The following DPYSL5 variants were observed in gnomAD, a reference collection of about 807,000 sequenced individuals.
DPYSL5 encodes the protein dihydropyrimidinase-related protein 5.
DPYSL5 carries 9 observed loss-of-function variants against 58.4 expected under a neutral mutation model. The observed-to-expected ratio is 0.15, with a 90% CI of 0.09 to 0.27. DPYSL5 has a LOEUF of 0.27. DPYSL5 is among the 10% of genes least tolerant of loss of function. The pLI is 1.00. For synonymous variants in DPYSL5, 293 were observed against 301.9 expected, an observed-to-expected ratio of 0.97 and a Z score of 0.31; for missense variants, 499 against 770.6, an observed-to-expected ratio of 0.65 and a Z score of 4.17.
At chr2:26,870,861 T>A (rs1409401415) in intron 1 of DPYSL5, among the ~76,000 whole-genome samples, 3 of 152,230 alleles carry the variant, frequency 2.0e-5, no homozygotes, top group African/African-American at 7.2e-5. Context: ...CTTTTAAGCC[T>A]GCTGTGTAGT....
rs553756403 is a variant in DPYSL5 at position 26,947,351 on chromosome 2, C to T, written c.*356C>T. 21 of 193,672 alleles carry T rather than the reference C, an allele frequency of 1.1e-4. No homozygotes were observed. In the South Asian group the frequency reaches 2.6e-3, roughly 24 times the overall value. 12.0% of individuals were successfully genotyped at this position (193,672 alleles called of 1,614,324 possible). ...TTTGGGAAAGCCCAGACTTTAGTGC[C>T]CTGCCCCCTGGCTGACTGGCCAGTT... On this transcript the variant is annotated 3_prime_UTR_variant, in exon 13 of 13. Coordinates refer to ENST00000288699, the MANE Select transcript of DPYSL5 (RefSeq NM_020134.4). The surrounding 1 kb of genome is among the most constrained non-coding windows in gnomAD (Gnocchi z 4.2).
At chr2:26,904,116 G>T (rs151197433) in intron 2 of DPYSL5, among the ~76,000 whole-genome samples, 1 of 152,198 alleles carries the variant, frequency 6.6e-6, no homozygotes, top group Non-Finnish European at 1.5e-5. Context: ...AGCCAGTCTC[G>T]CAGGCTAGGG....
In DPYSL5 at chr2:26,896,629, T is replaced by C. The variant is rs191992749; in HGVS notation, c.-4-1867T>C. Among the ~76,000 whole-genome samples, 5 of 152,370 alleles carry C rather than the reference T, an allele frequency of 3.3e-5. No homozygotes were observed. In the East Asian group the frequency reaches 9.6e-4, roughly 29 times the overall value. ...GTGGTTTTAACTTGTACTTTTCTGA[T>C]GATTAGTGATGTTGAGCACTTTTTG... On this transcript the variant is annotated intron_variant, in intron 1 of 12. Coordinates refer to ENST00000288699, the MANE Select transcript of DPYSL5 (RefSeq NM_020134.4).
At position 26,866,983 on chromosome 2, in the gene DPYSL5, C is replaced by T. The variant is rs1666160123; in HGVS notation, c.-5+18729C>T. On this transcript the variant is annotated intron_variant, in intron 1 of 12. Transcript: ENST00000288699. Reference sequence around the variant, plus strand: ...TCCTGACCTCAAATGATTCGCATGCCTCGGCCTCCCAAAATGCTGGGATTA... The same window carrying T: ...TCCTGACCTCAAATGATTCGCATGCTTCGGCCTCCCAAAATGCTGGGATTA... Among the ~76,000 whole-genome samples, 3 of 151,964 alleles carry T rather than the reference C, an allele frequency of 2.0e-5. 1 individual carries two copies. Among genetic ancestry groups the T allele is most frequent in the Admixed American group, 1.3e-4 (2 of 15,260 alleles).
chr2:26,881,935 C>G (rs1442665078), intron 1 of DPYSL5, among the ~76,000 whole-genome samples: 1 of 151,522 alleles, frequency 6.6e-6, no homozygotes, highest in Non-Finnish European at 1.5e-5. Context: ...ACTAAAAATA[C>G]AAAAAATTAC....
Position 26,934,516 on chromosome 2 carries a change from A to T in DPYSL5, c.791-62A>T. On this transcript the variant is annotated intron_variant, in intron 7 of 12. Coordinates refer to ENST00000288699, the MANE Select transcript of DPYSL5 (RefSeq NM_020134.4). The surrounding 1 kb of genome is among the most constrained non-coding windows in gnomAD (Gnocchi z 4.3). ...CCTTCACCTGTAAAATGAGAGGCAC[A>T]CACCAGCGATCGCTCAGGTTCGGTG... 6.4e-7 allele frequency: 1 copy of T among 1,564,404 alleles called. No homozygotes were observed. Among genetic ancestry groups the T allele is most frequent in the Non-Finnish European group, 8.7e-7 (1 of 1,153,844 alleles).
intron 9 of DPYSL5, 97 bp downstream of exon 9, chr2:26,940,269 T>A: frequency 7.0e-7 from 1 of 1,419,188 alleles, no homozygotes; most frequent in Non-Finnish European, 9.4e-7. Context: ...CCTCAGATCC[T>A]GTCAAAGAAT....
chr2:26,892,756 TGAGAGAGAGAGAGAGA>T (rs144430871), intron 1 of DPYSL5, among the ~76,000 whole-genome samples: 1 of 138,742 alleles, frequency 7.2e-6, no homozygotes, highest in African/African-American at 2.6e-5. Flanking sequence ...TGGGTTTGTT[TGAGAGAGAGAGAGAGA>T]GAGAGAGAGA....
At chr2:26,889,306 G>T (rs146892025) in intron 1 of DPYSL5, among the ~76,000 whole-genome samples, 21 of 151,284 alleles carry the variant, frequency 1.4e-4, no homozygotes, top group African/African-American at 4.9e-4. Context: ...GTCTTGCTCT[G>T]TTGCCCAGGC....
At chr2:26,858,381 C>T (rs147293522) in intron 1 of DPYSL5, among the ~76,000 whole-genome samples, 736 of 152,126 alleles carry the variant, frequency 4.8e-3, no homozygotes, top group Admixed American at 9.9e-3. Context: ...CCGTGTTAGC[C>T]AGGATGGTCT....
chr2:26,923,369 C>T (rs1288062998), intron 2 of DPYSL5, among the ~76,000 whole-genome samples: 1 of 152,206 alleles, frequency 6.6e-6, no homozygotes, highest in East Asian at 1.9e-4. Flanking sequence ...TAACTAAACA[C>T]ACATGTTAGG....
In DPYSL5 at chr2:26,927,187, G is replaced by A. The variant is rs951901510; in HGVS notation, c.421-66G>A. ...CCCACATCTCCCCCATGCTGGGCCGGTGCCTGCCAGTCGGCCTCTTGGGTG... is the reference window on the plus strand; with the variant it reads ...CCCACATCTCCCCCATGCTGGGCCGATGCCTGCCAGTCGGCCTCTTGGGTG... On this transcript the variant is annotated intron_variant, in intron 3 of 12. Transcript: ENST00000288699. The surrounding 1 kb of genome is among the most constrained non-coding windows in gnomAD (Gnocchi z 4.3). 3.3e-6 allele frequency: 5 copies of A among 1,515,960 alleles called. No individual in the cohort carries two copies. In the African/African-American group the frequency reaches 4.1e-5, roughly 12 times the overall value. The allele number at this position is 1,515,960 out of a possible 1,614,324, so 93.9% of individuals were successfully genotyped here. A position where few individuals can be genotyped will look rare whatever the true frequency, so the allele number is the denominator to read the frequency against.
chr2:26,873,504 A>G (rs927360121), intron 1 of DPYSL5, among the ~76,000 whole-genome samples: 1 of 152,212 alleles, frequency 6.6e-6, no homozygotes, highest in African/African-American at 2.4e-5. Flanking sequence ...GAGGCCAGGA[A>G]TGCTGTTAAA....
Position 26,848,547 on chromosome 2 carries a change from G to A in DPYSL5, c.-5+293G>A, listed in dbSNP as rs1266247872. On this transcript the variant is annotated intron_variant, in intron 1 of 12. Transcript: ENST00000288699. ...GGGTTGCAAAGCCCTGGGGTGAGGA[G>A]GCGGCTCGGCCGAGGGGTTTCGCGC... is the stretch of plus-strand genomic sequence containing the variant. 4 of 152,518 alleles carry A rather than the reference G, an allele frequency of 2.6e-5. No individual in the cohort carries two copies. In the East Asian group the frequency reaches 7.7e-4, roughly 29 times the overall value. 9.4% of individuals were successfully genotyped at this position (152,518 alleles called of 1,614,324 possible).
chr2:26,880,773 G>A lies in DPYSL5; in HGVS notation c.-4-17723G>A, dbSNP rs183393540. ...CTCAGAGTCCGTTCCTGTGGCTGAC[G>A]CTGTAAATGCAAGCTGCTTTCTCAC... On this transcript the variant is annotated intron_variant, in intron 1 of 12. Transcript: ENST00000288699. 4.7e-4 allele frequency among the ~76,000 whole-genome samples: 71 copies of A among 152,268 alleles called. 2 individuals are homozygous for A. The highest frequency in any genetic ancestry group is 1.6e-3 in the African/African-American group (67 of 41,552).
intron 9 of DPYSL5, 145 bp downstream of exon 9, chr2:26,940,317 T>TTTGAGTGAAACAAA: frequency 9.6e-7 from 1 of 1,038,610 alleles, no homozygotes; most frequent in Non-Finnish European, 1.3e-6. Flanking sequence ...GCTGTTTGTT[T>TTTGAGTGAAACAAA]CACTCAAAAA....
intron 1 of DPYSL5, among the ~76,000 whole-genome samples, chr2:26,865,312 C>CTTTTTTT (rs1192892146): frequency 1.1e-5 from 1 of 89,588 alleles, no homozygotes; most frequent in Non-Finnish European, 2.1e-5. Context: ...GTTTTGTGTT[C>CTTTTTTT]TTTTTTTTTT....
At position 26,905,035 on chromosome 2, in the gene DPYSL5, A is replaced by G. The variant is rs1331680819; in HGVS notation, c.261+6275A>G. ...CCTCCTGAGACCTCGGGACTGAACA[A>G]TCACCCCTTTCAGCCTGTGGCCTCT... is the stretch of plus-strand genomic sequence containing the variant. On this transcript the variant is annotated intron_variant, in intron 2 of 12. Transcript: ENST00000288699. This position sits in a 1 kb window ranked among gnomAD's most constrained non-coding sequence, Gnocchi z 4.0. Among the ~76,000 whole-genome samples the G allele has an allele frequency of 2.0e-5, 3 of 152,176 alleles. No homozygotes were observed. Among genetic ancestry groups the G allele is most frequent in the Non-Finnish European group, 2.9e-5 (2 of 68,028 alleles).
chr2:26,864,176 C>T lies in DPYSL5; in HGVS notation c.-5+15922C>T, dbSNP rs553507714. Among the ~76,000 whole-genome samples, 81 of 152,294 alleles carry T rather than the reference C, an allele frequency of 5.3e-4. 1 individual carries two copies. Among genetic ancestry groups the T allele is most frequent in the Non-Finnish European group, 8.8e-5 (6 of 68,030 alleles). ...GGAAGGATCACTTGAGGCCTGGAGG[C>T]GGAGGTTTCAGTGGGCCCAGATCGC... On this transcript the variant is annotated intron_variant, in intron 1 of 12. Coordinates refer to ENST00000288699, the MANE Select transcript of DPYSL5 (RefSeq NM_020134.4).
Sources: gnomAD v4.1 joint callset for allele counts (sites outside exome capture counted in the v4.1 genomes callset) on GRCh38, gnomAD v4.1.1 for gene constraint, Gnocchi (gnomAD v3.1) non-coding constraint, MANE v1.5 for transcripts, NCBI Gene and HGNC (gene_info 2026-07-23, HGNC 2026-07-21) for gene names.